Variants in PNLIPRP1 observed in about 807,000 individuals in gnomAD.
PNLIPRP1 encodes the protein pancreatic lipase related protein 1, also known as inactive pancreatic lipase-related protein 1.
In PNLIPRP1, 57 loss-of-function variants were observed where a neutral mutation model predicts 54.6. The observed-to-expected ratio is 1.04, with a 90% CI of 0.84 to 1.30. The LOEUF is 1.30. Among genes scored for constraint, PNLIPRP1 ranks in the 50% most tolerant of loss-of-function variants. The probability of loss-of-function intolerance (pLI) is 0.00; values close to 1 mark genes in which losing one functional copy is unlikely to be tolerated. For synonymous variants in PNLIPRP1, 232 were observed against 208.8 expected (o/e 1.11, Z -0.96); for missense variants, 567 against 568.5 (o/e 1.00, Z 0.03).
chr10:116,603,305 C>T (rs782528565), intron 10 of PNLIPRP1, among the ~76,000 whole-genome samples: 6 of 152,174 alleles, frequency 3.9e-5, no homozygotes, highest in Admixed American at 6.5e-5. Flanking sequence ...TTCCCTCTCT[C>T]TTCACCTTAC....
At chr10:116,601,008 C>T in intron 9 of PNLIPRP1, 64 bp from the exon 10 acceptor site, 1 of 1,474,544 alleles carries the variant, frequency 6.8e-7, no homozygotes, top group Non-Finnish European at 9.2e-7. Context: ...TGTCTGCCCT[C>T]TCAGATGTAT....
chr10:116,595,015 G>A (rs1847710799), intron 5 of PNLIPRP1, 151 bp downstream of exon 5: 1 of 930,898 alleles, frequency 1.1e-6, no homozygotes, highest in South Asian at 1.9e-5. Flanking sequence ...CCTTCATAAT[G>A]ACACGCCAGT....
chr10:116,605,700 TGACA>T, intron 12 of PNLIPRP1, 147 bp downstream of exon 12: 1 of 519,464 alleles, frequency 1.9e-6, no homozygotes, highest in Non-Finnish European at 3.4e-6. Context: ...AACAAGCAAC[TGACA>T]AACAGCATAA....
chr10:116,607,018 A>G (rs1206423658), intron 12 of PNLIPRP1, among the ~76,000 whole-genome samples: 2 of 113,488 alleles, frequency 1.8e-5, no homozygotes, highest in East Asian at 2.7e-4. Flanking sequence ...GGCCAGTAAC[A>G]TTTAATAATA....
At chr10:116,605,017 T>C (rs1313231107) in intron 11 of PNLIPRP1, among the ~76,000 whole-genome samples, 1 of 152,192 alleles carries the variant, frequency 6.6e-6, no homozygotes, top group Non-Finnish European at 1.5e-5. Flanking sequence ...GATGTTTTTT[T>C]AAACATAAAT....
At chr10:116,604,507 C>T (rs1053522889) in intron 11 of PNLIPRP1, among the ~76,000 whole-genome samples, 1 of 152,104 alleles carries the variant, frequency 6.6e-6, no homozygotes, top group Admixed American at 6.6e-5. Flanking sequence ...TGTGTGAGTA[C>T]ATGCTATGAT....
At chr10:116,598,022 CTCAT>C (rs1290587464) in intron 7 of PNLIPRP1, 21 bp from the exon 8 acceptor site, 1 of 1,613,898 alleles carries the variant, frequency 6.2e-7, no homozygotes, top group Non-Finnish European at 8.5e-7. Flanking sequence ...TGACAAAAAG[CTCAT>C]TGTTTTTCTA....
chr10:116,592,350 T>G (rs1420485011), intron 3 of PNLIPRP1, 66 bp from the exon 4 acceptor site: 1 of 1,518,626 alleles, frequency 6.6e-7, no homozygotes, highest in Non-Finnish European at 8.8e-7. Flanking sequence ...CAGGCGGAGA[T>G]GAGGAAGGAA....
At chr10:116,595,052 C>T (rs1166014196) in intron 5 of PNLIPRP1, 188 bp downstream of exon 5, 5 of 633,002 alleles carry the variant, frequency 7.9e-6, no homozygotes, top group Non-Finnish European at 1.0e-5. Context: ...ATCGCTAACA[C>T]TTAGAAAGTG....
At chr10:116,594,171 C>A in intron 4 of PNLIPRP1, 1 of 368,636 alleles carries the variant, frequency 2.7e-6, no homozygotes, top group Middle Eastern at 4.7e-4. Flanking sequence ...CCTTTGACAT[C>A]CAGGAAGACA....
In PNLIPRP1 at chr10:116,592,148, G is replaced by C. The variant is rs892098905; in HGVS notation, c.204+223G>C. The C allele has an allele frequency of 4.6e-5, 29 of 635,290 alleles. No homozygotes were observed. In the African/African-American group the frequency reaches 5.3e-4, roughly 12 times the overall value. 39.4% of individuals were successfully genotyped at this position (635,290 alleles called of 1,614,324 possible). On this transcript the variant is annotated intron_variant, in intron 3 of 12. Transcript: ENST00000358834. ...TTGCCAGAACCTCTAGCTACTGTGT[G>C]ATTCTGGTCTGGGGCAAACAGCTTA...
chr10:116,599,670 C>T (rs1321658505), intron 8 of PNLIPRP1, among the ~76,000 whole-genome samples: 12 of 152,244 alleles, frequency 7.9e-5, no homozygotes, highest in African/African-American at 1.4e-4. Flanking sequence ...AGGGATGGGC[C>T]GAAGACAAGA....
intron 12 of PNLIPRP1, among the ~76,000 whole-genome samples, chr10:116,605,977 C>T (rs1177338517): frequency 2.0e-5 from 3 of 152,146 alleles, no homozygotes; most frequent in Non-Finnish European, 4.4e-5. Context: ...GACAAGAATG[C>T]ACTAGGATTG....
rs200965547 is a variant in PNLIPRP1 at position 116,598,152 on chromosome 10, A to G, written c.800A>G (p.Asp267Gly). Reference protein sequence around the residue: ...KNALSQIVDLDGIWAGTRDFV... With the variant: ...KNALSQIVDLGGIWAGTRDFV... ...GCCCTGTCTCAGATCGTGGATCTAG[A>G]TGGCATCTGGGCGGGTAAAGTCATG... The change falls in exon 8 of 13, where the codon GAT becomes GGT. Residue 267 changes from aspartate to glycine, a missense_variant. By Grantham distance (94) the Asp-to-Gly change is moderately conservative. Coordinates refer to ENST00000358834, the MANE Select transcript of PNLIPRP1 (RefSeq NM_006229.4). The G allele has an allele frequency of 1.9e-5, 30 of 1,613,744 alleles. No homozygotes were observed. Among genetic ancestry groups the G allele is most frequent in the Non-Finnish European group, 2.5e-5 (29 of 1,179,910 alleles).
At chr10:116,592,612 T>G (rs782141688) in intron 4 of PNLIPRP1, 71 bp downstream of exon 4, 2 of 1,568,098 alleles carry the variant, frequency 1.3e-6, no homozygotes, top group Non-Finnish European at 1.8e-6. Flanking sequence ...CATCACTTTA[T>G]GCACTCAAGA....
At chr10:116,594,179 AC>A in intron 4 of PNLIPRP1, 1 of 374,544 alleles carries the variant, frequency 2.7e-6, no homozygotes, top group Non-Finnish European at 5.2e-6. Flanking sequence ...ATCCAGGAAG[AC>A]ATTTTCCTTC....
rs372925153 is a variant in PNLIPRP1, at chr10:116,609,117, G to T, written c.*1G>T. The T allele has an allele frequency of 6.2e-7, 1 of 1,605,946 alleles. No individual in the cohort carries two copies. ...GCTGCTCACCCTCACGCCCTGCTAA[G>T]CTCCCGGGGCGACGAGGCTGCTGCG... On this transcript the variant is annotated 3_prime_UTR_variant, in exon 13 of 13. Coordinates refer to ENST00000358834, the MANE Select transcript of PNLIPRP1 (RefSeq NM_006229.4).
chr10:116,599,924 G>T (rs573595052), intron 8 of PNLIPRP1, 123 bp from the exon 9 acceptor site: 1 of 697,770 alleles, frequency 1.4e-6, no homozygotes, highest in African/African-American at 1.8e-5. Context: ...GCTGAATTTT[G>T]GATTTATCTT....
chr10:116,598,009 G>T, intron 7 of PNLIPRP1, 38 bp from the exon 8 acceptor site: 2 of 1,613,986 alleles, frequency 1.2e-6, no homozygotes, highest in Non-Finnish European at 1.7e-6. Flanking sequence ...TGAAAGTCCT[G>T]CATGACAAAA....
Sources: gnomAD v4.1 joint callset for allele counts (sites outside exome capture counted in the v4.1 genomes callset) on GRCh38, gnomAD v4.1.1 for gene constraint, MANE v1.5 for transcripts, NCBI Gene and HGNC (gene_info 2026-07-23, HGNC 2026-07-21) for gene names.